Variants in ADGB observed in about 807,000 individuals in gnomAD.
ADGB encodes the protein androglobin.
A neutral mutation model predicts 210.5 loss-of-function variants in ADGB; 172 were observed. The observed-to-expected ratio is 0.82, with a 90% CI of 0.72 to 0.93. The LOEUF (loss-of-function observed/expected upper bound fraction) is 0.93. Among genes scored for constraint, ADGB ranks in the 40% least tolerant of loss-of-function variants. The pLI is 0.00. For synonymous variants in ADGB, 658 were observed against 662.7 expected (o/e 0.99, Z 0.11); for missense variants, 2,025 against 1,964.8 (o/e 1.03, Z -0.58).
chr6:146,764,486 A>T (rs1209744668), intron 28 of ADGB, among the ~76,000 whole-genome samples: 1 of 152,172 alleles, frequency 6.6e-6, no homozygotes, highest in Non-Finnish European at 1.5e-5. Flanking sequence ...TTAAAGGGAA[A>T]AAAGATAATG....
intron 23 of ADGB, among the ~76,000 whole-genome samples, chr6:146,739,156 G>A (rs1562288589): frequency 6.6e-6 from 1 of 152,072 alleles, no homozygotes; most frequent in Non-Finnish European, 1.5e-5. Flanking sequence ...ATGGTGGCAG[G>A]TCCTGTTACA....
At chr6:146,691,429 T>TAAAAC (rs1562275489) in intron 11 of ADGB, 139 bp downstream of exon 11, 1 of 29,408 alleles carries the variant, frequency 3.4e-5, no homozygotes, top group Non-Finnish European at 5.3e-5. Context: ...TATATATATA[T>TAAAAC]ATATATATAT....
At chr6:146,781,644 G>A (rs1442406778) in intron 29 of ADGB, among the ~76,000 whole-genome samples, 1 of 151,900 alleles carries the variant, frequency 6.6e-6, no homozygotes, top group Admixed American at 6.6e-5. Context: ...AGAAGTAAGG[G>A]AATAATAAAG....
chr6:146,729,311 T>C (rs990152537), intron 20 of ADGB, among the ~76,000 whole-genome samples: 1 of 152,252 alleles, frequency 6.6e-6, no homozygotes, highest in African/African-American at 2.4e-5. Flanking sequence ...GGTCAAATAA[T>C]TATTATTCTC....
chr6:146,656,015 A>G (rs1453265712), intron 4 of ADGB, among the ~76,000 whole-genome samples: 1 of 151,600 alleles, frequency 6.6e-6, no homozygotes, highest in African/African-American at 2.4e-5. Flanking sequence ...GATTTCTTAC[A>G]TACTGTTTCT....
At position 146,782,046 on chromosome 6, in the gene ADGB, A is replaced by T. The variant is rs1342644190; in HGVS notation, c.3889A>T (p.Ile1297Phe). The T allele has an allele frequency of 6.6e-7, 1 of 1,509,314 alleles. No homozygotes were observed. Among genetic ancestry groups the T allele is most frequent in the Non-Finnish European group, 8.8e-7 (1 of 1,133,622 alleles). 93.5% of individuals were successfully genotyped at this position (1,509,314 alleles called of 1,614,324 possible). The change falls in exon 30 of 36, where the codon ATT becomes TTT. Residue 1297 changes from isoleucine to phenylalanine, a missense_variant. Transcript: ENST00000397944. The stretch of plus-strand genomic sequence containing the variant: ...TTATGGTGAAAGACACGAGGAGTTA[A>T]TTAACTTAGGAAGCCCAGACTCCCA... ...KAYGERHEEL[I>F]NLGSPDSHTI... is the part of the protein sequence containing the mutation.
rs539188649 is a variant in ADGB, at chr6:146,672,196, T to G, written c.840-24T>G. On this transcript the variant is annotated intron_variant, in intron 7 of 35. Coordinates refer to ENST00000397944, the MANE Select transcript of ADGB (RefSeq NM_024694.4). ...AAAAAAAAAAACATCGTTTGGAAAT[T>G]AATGTTTTTGTCTTTTCTCTTAGCC... 1.6e-5 allele frequency: 23 copies of G among 1,459,554 alleles called. No homozygotes were observed. In the South Asian group the frequency reaches 3.2e-4, roughly 20 times the overall value. The allele number at this position is 1,459,554 out of a possible 1,614,324, so 90.4% of individuals were successfully genotyped here. A position where few individuals can be genotyped will look rare whatever the true frequency, so the allele number is the denominator to read the frequency against.
At chr6:146,784,561 C>A in intron 30 of ADGB, 57 bp from the exon 31 acceptor site, 1 of 1,344,804 alleles carries the variant, frequency 7.4e-7, no homozygotes, top group Non-Finnish European at 9.9e-7. Context: ...ATGGTAAAAT[C>A]TAGACCCTTT....
intron 7 of ADGB, among the ~76,000 whole-genome samples, chr6:146,671,631 T>C (rs747085650): frequency 5.3e-5 from 8 of 152,052 alleles, no homozygotes; most frequent in Non-Finnish European, 1.0e-4. Flanking sequence ...ACTCAAAATA[T>C]GAGGAAATAC....
rs369103798 is a variant in ADGB at position 146,621,006 on chromosome 6, A to T, written c.75-14369A>T. ...TTGCTTTCCATCCTGGGAAGAACTT[A>T]TGTTGAGCACCAGGACTAAAACACT... is the stretch of plus-strand genomic sequence containing the variant. On this transcript the variant is annotated intron_variant, in intron 1 of 35. Coordinates refer to ENST00000397944, the MANE Select transcript of ADGB (RefSeq NM_024694.4). Among the ~76,000 whole-genome samples the T allele has an allele frequency of 1.8e-4, 27 of 152,258 alleles. No homozygotes were observed. The South Asian group carries it at 5.0e-3, about 28-fold the overall frequency.
chr6:146,732,903 CGTT>C (rs146535011), intron 20 of ADGB, among the ~76,000 whole-genome samples: 1,652 of 152,044 alleles, frequency 0.011, 37 homozygotes, highest in African/African-American at 0.037. Flanking sequence ...ATATTATAAA[CGTT>C]GTAGTGATTA....
At chr6:146,711,875 C>CA (rs377420781) in intron 13 of ADGB, among the ~76,000 whole-genome samples, 21 of 149,240 alleles carry the variant, frequency 1.4e-4, no homozygotes, top group African/African-American at 3.4e-4. Context: ...CAAAAACAAA[C>CA]AAAAAAAAAC....
chr6:146,747,254 T>A (rs1777253748), intron 26 of ADGB, among the ~76,000 whole-genome samples: 4 of 152,152 alleles, frequency 2.6e-5, no homozygotes, highest in Admixed American at 2.6e-4. Context: ...GCACAGAAAA[T>A]TTGGAAAATA....
Position 146,763,999 on chromosome 6 carries a change from G to A in ADGB, c.3649G>A (p.Gly1217Ser). The change falls in exon 28 of 36, where the codon GGT becomes AGT. Residue 1217 changes from glycine to serine, a missense_variant. Coordinates refer to ENST00000397944, the MANE Select transcript of ADGB (RefSeq NM_024694.4). ...AAQGIQKSPK[G>S]RAVSAIQDIG... Reference sequence around the variant, plus strand: ...TCAGGGAATTCAGAAATCCCCCAAGGGTAGAGCTGTAAGTGCAATACAAGA... The same window carrying A: ...TCAGGGAATTCAGAAATCCCCCAAGAGTAGAGCTGTAAGTGCAATACAAGA... 1.9e-6 allele frequency: 3 copies of A among 1,551,468 alleles called. No individual in the cohort carries two copies. Among genetic ancestry groups the A allele is most frequent in the East Asian group, 2.4e-5 (1 of 40,912 alleles).
rs570303345 is a variant in ADGB, at chr6:146,808,709, T to C, written c.4819-6323T>C. ...CTTTGTTATTTAAAATATTTATTTA[T>C]TGAGACATGGTCTGGCTCTCCTGTC... On this transcript the variant is annotated intron_variant, in intron 35 of 35. Coordinates refer to ENST00000397944, the MANE Select transcript of ADGB (RefSeq NM_024694.4). Among the ~76,000 whole-genome samples the C allele has an allele frequency of 8.5e-4, 130 of 152,332 alleles. 6 individuals carry two copies. The South Asian group carries it at 0.026, about 31-fold the overall frequency.
chr6:146,785,154 C>G (rs567199527), intron 31 of ADGB, among the ~76,000 whole-genome samples: 1 of 152,198 alleles, frequency 6.6e-6, no homozygotes, highest in South Asian at 2.1e-4. Context: ...CTTTGCGCAG[C>G]CTTAGATGGA....
chr6:146,618,140 G>A (rs1780831343), intron 1 of ADGB, among the ~76,000 whole-genome samples: 1 of 151,844 alleles, frequency 6.6e-6, no homozygotes, highest in African/African-American at 2.4e-5. Context: ...TTATCATAAA[G>A]GTCTCCATCA....
chr6:146,762,843 C>T (rs927493337), intron 27 of ADGB, among the ~76,000 whole-genome samples: 3 of 152,136 alleles, frequency 2.0e-5, no homozygotes, highest in Admixed American at 6.6e-5. Context: ...ATTTCAATGT[C>T]TCTCAACACT....
intron 9 of ADGB, among the ~76,000 whole-genome samples, chr6:146,680,690 A>G (rs1776145801): frequency 1.3e-5 from 2 of 152,198 alleles, no homozygotes; most frequent in Admixed American, 1.3e-4. Context: ...AAAATCTGCT[A>G]TTCTAGGCAG....
Sources: allele counts gnomAD v4.1 joint callset (sites outside exome capture counted in the v4.1 genomes callset), GRCh38; gene constraint gnomAD v4.1.1; transcripts MANE v1.5; gene names NCBI Gene and HGNC (gene_info 2026-07-23, HGNC 2026-07-21).